The following CP variants were observed in gnomAD, a reference collection of about 807,000 sequenced individuals.
CP encodes caeruloplasmin.
CP carries 64 observed loss-of-function variants against 122.4 expected under a neutral mutation model. The ratio of observed to expected loss-of-function variants is 0.52; its 90% CI spans 0.43 to 0.64. The LOEUF (loss-of-function observed/expected upper bound fraction) is 0.64. Among genes scored for constraint, CP ranks in the 30% least tolerant of loss-of-function variants. The pLI is 0.00. For missense variants in CP, 1,167 were observed against 1,284.4 expected (o/e 0.91, Z 1.40); for synonymous variants, 440 against 436.4 (o/e 1.01, Z -0.10).
chr3:149,178,016 A>G (rs753154465), intron 16 of CP, 37 bp from the exon 17 acceptor site: 2 of 1,591,782 alleles, frequency 1.3e-6, no homozygotes, highest in South Asian at 1.1e-5. Flanking sequence ...ACTTTTCAGG[A>G]TATTTTAAAC....
At chr3:149,186,784 G>A (rs778715271) in intron 10 of CP, 52 bp from the exon 11 acceptor site, 13 of 1,538,846 alleles carry the variant, frequency 8.4e-6, no homozygotes, top group Non-Finnish European at 1.1e-5. Flanking sequence ...TCTACTACAT[G>A]ACAACCTCAC....
downstream of CP, chr3:149,168,083 G>A (rs955909584): frequency 3.7e-5 from 28 of 758,658 alleles, no homozygotes; most frequent in Admixed American, 2.0e-4. Flanking sequence ...AAGTGAAACC[G>A]AGGGCCTTTC....
chr3:149,204,755 A>C (rs1465899472), intron 6 of CP, among the ~76,000 whole-genome samples: 2 of 152,208 alleles, frequency 1.3e-5, no homozygotes, highest in African/African-American at 4.8e-5. Context: ...GGGGAGTGGC[A>C]TCATCTCATT....
intron 1 of CP, among the ~76,000 whole-genome samples, chr3:149,215,835 A>T (rs1728426924): frequency 6.6e-6 from 1 of 152,154 alleles, no homozygotes; most frequent in Non-Finnish European, 1.5e-5. Context: ...ATTACTGTAG[A>T]CATATCTCCC....
chr3:149,177,776 T>G, intron 17 of CP, 64 bp downstream of exon 17: 1 of 1,553,624 alleles, frequency 6.4e-7, no homozygotes, highest in South Asian at 1.1e-5. Context: ...GAGAAAATAT[T>G]TTCTTCACTT....
At chr3:149,176,905 T>G (rs1725458228) in intron 17 of CP, among the ~76,000 whole-genome samples, 1 of 152,166 alleles carries the variant, frequency 6.6e-6, no homozygotes, top group Non-Finnish European at 1.5e-5. Flanking sequence ...GTGACAATAG[T>G]CTATTTCTGC....
chr3:149,178,034 T>A (rs1725531241), intron 16 of CP, 55 bp from the exon 17 acceptor site: 1 of 1,478,932 alleles, frequency 6.8e-7, no homozygotes, highest in Non-Finnish European at 9.5e-7. Flanking sequence ...AACCAATAGC[T>A]ATTTCAAAGA....
At chr3:149,166,109 C>A in intron 4 of CP, 1 of 425,310 alleles carries the variant, frequency 2.4e-6, no homozygotes, top group Non-Finnish European at 4.7e-6. Context: ...CATCTTTATC[C>A]TGGAGAAAGG....
intron 1 of CP, chr3:149,217,878 T>C: frequency 2.2e-6 from 1 of 450,626 alleles, no homozygotes; most frequent in East Asian, 8.1e-5. Context: ...TAAGGTGGAA[T>C]GTTCTTTGTT....
Position 149,181,984 on chromosome 3 carries a change from CA to C in CP, c.2554+20del, listed in dbSNP as rs1202562620. ...ACAGCCTGTTAAAATGCACCACCCC[CA>C]CCCCCGCCCCCGTGAGTACCTGGTA... On this transcript the variant is annotated intron_variant, in intron 14 of 18. Coordinates refer to ENST00000264613, the MANE Select transcript of CP (RefSeq NM_000096.4). The C allele has an allele frequency of 1.8e-6, 1 of 565,070 alleles. No homozygotes were observed. Among genetic ancestry groups the C allele is most frequent in the Non-Finnish European group, 3.3e-6 (1 of 299,306 alleles). 35.0% of individuals were successfully genotyped at this position (565,070 alleles called of 1,614,324 possible).
rs761310586 is a variant in CP, at chr3:149,167,111, C to T, written c.587-1061G>A. ...AGCCACTTTCAGAAGACACTATTGC[C>T]GGCCTCAGTGTCCATGTTCTGTGTC... On this transcript the variant is annotated intron_variant, in intron 4 of 5. Coordinates refer to the CP transcript ENST00000479771. 3.0e-5 allele frequency: 48 copies of T among 1,613,690 alleles called. No homozygotes were observed. Among genetic ancestry groups the T allele is most frequent in the Middle Eastern group, 3.3e-4 (2 of 6,078 alleles).
intron 3 of CP, 140 bp downstream of exon 3, chr3:149,210,027 C>T (rs1728001120): frequency 1.3e-6 from 1 of 747,066 alleles, no homozygotes; most frequent in African/African-American, 1.8e-5. Context: ...CCTGGCTCTT[C>T]CCTTCCTTTT....
chr3:149,213,256 A>AT (rs1559960856), intron 1 of CP, among the ~76,000 whole-genome samples: 1 of 152,206 alleles, frequency 6.6e-6, no homozygotes, highest in East Asian at 1.9e-4. Context: ...TTGTTGATGC[A>AT]TGCAATGTGT....
chr3:149,207,692 A>G, intron 4 of CP, 75 bp from the exon 5 acceptor site: 1 of 1,522,538 alleles, frequency 6.6e-7, no homozygotes, highest in South Asian at 1.1e-5. Context: ...CTATATAAAT[A>G]GAATCAATTT....
At chr3:149,167,186 A>G in intron 4 of CP, 2 of 1,613,946 alleles carry the variant, frequency 1.2e-6, no homozygotes, top group Non-Finnish European at 1.7e-6. Context: ...TGTTAGAGAG[A>G]TGCCCGGAGG....
At chr3:149,205,795 T>TA (rs940224114) in intron 6 of CP, among the ~76,000 whole-genome samples, 13 of 151,108 alleles carry the variant, frequency 8.6e-5, no homozygotes, top group Admixed American at 1.3e-4. Context: ...TTTGGGATGA[T>TA]AAAAAAAAAG....
chr3:149,186,790 C>T lies in CP; in HGVS notation c.1865-58G>A, dbSNP rs1467024756. On this transcript the variant is annotated intron_variant, in intron 10 of 18. Coordinates refer to ENST00000264613, the MANE Select transcript of CP (RefSeq NM_000096.4). ...GGTTTAGATTCTACTACATGACAAC[C>T]TCACAGACTTTCCAGGACCAACTTT... is the stretch of plus-strand genomic sequence containing the variant. 3.3e-6 allele frequency: 5 copies of T among 1,515,358 alleles called. No homozygotes were observed. The African/African-American group carries it at 4.1e-5, about 12-fold the overall frequency. The allele number at this position is 1,515,358 out of a possible 1,614,324, so 93.9% of individuals were successfully genotyped here. A position where few individuals can be genotyped will look rare whatever the true frequency, so the allele number is the denominator to read the frequency against.
downstream of CP, among the ~76,000 whole-genome samples, chr3:149,169,940 C>T (rs1016200740): frequency 6.6e-6 from 1 of 152,096 alleles, no homozygotes; most frequent in Non-Finnish European, 1.5e-5. Flanking sequence ...TTAGATATAT[C>T]ATTTATATGT....
rs748777461 is a variant in CP, at chr3:149,183,483, T to C, written c.2408A>G (p.Glu803Gly). 14 of 1,611,528 alleles carry C rather than the reference T, an allele frequency of 8.7e-6. No individual in the cohort carries two copies. In the African/African-American group the frequency reaches 1.7e-4, roughly 20 times the overall value. The change falls in exon 13 of 19, where the codon GAA becomes GGA. Residue 803 changes from glutamate to glycine, a missense_variant. This residue lies in a region of CP where 525 missense variants were observed against 657.2 expected (regional missense o/e 0.80). Coordinates refer to ENST00000264613, the MANE Select transcript of CP (RefSeq NM_000096.4). ...TAACATACCTAGAATTCCCAGATGT[T>C]CTTCTTCAGCTTTTCTCTCCACTGG... ...RVPVERKAEE[E>G]HLGILGPQLH...
Sources: allele counts gnomAD v4.1 joint callset (sites outside exome capture counted in the v4.1 genomes callset), GRCh38; gene constraint gnomAD v4.1.1; regional missense constraint gnomAD v4.1.1; transcripts MANE v1.5; gene names NCBI Gene and HGNC (gene_info 2026-07-23, HGNC 2026-07-21).